COL5A2: variants seen among roughly 807,000 people sequenced by gnomAD.
The protein encoded by COL5A2 is collagen type V alpha 2 chain, also known as collagen alpha-2(V) chain.
In COL5A2, 23 loss-of-function variants were observed where a neutral mutation model predicts 208.2. The observed-to-expected ratio is 0.11, with a 90% CI of 0.08 to 0.16. The LOEUF (loss-of-function observed/expected upper bound fraction) is 0.16, where lower values mean the gene tolerates loss of function less well. Ranked by LOEUF, COL5A2 falls within the 10% of genes least tolerant of loss-of-function variation. COL5A2 has a pLI of 1.00. For synonymous variants in COL5A2, 625 were observed against 628.5 expected, an observed-to-expected ratio of 0.99 and a Z score of 0.08; for missense variants, 1,590 against 1,956.4, an observed-to-expected ratio of 0.81 and a Z score of 3.53.
intron 1 of COL5A2, among the ~76,000 whole-genome samples, chr2:189,136,281 T>G (rs1159925397): frequency 2.6e-5 from 4 of 151,990 alleles, no homozygotes; most frequent in African/African-American, 9.7e-5. Flanking sequence ...CATCTTCTAA[T>G]GAAAACCTTA....
chr2:189,060,360 G>C (rs534592216), intron 31 of COL5A2, among the ~76,000 whole-genome samples: 1 of 152,182 alleles, frequency 6.6e-6, no homozygotes, highest in African/African-American at 2.4e-5. Flanking sequence ...TTTATTAAAT[G>C]ATTAAATGAA....
rs1417726084 is a variant in COL5A2, at chr2:189,045,789, T to C, written c.3309+11A>G. Reference sequence around the variant, plus strand: ...GCAAAACTGTCAGTGTGAAATTGACTCCCTCCTTACCGGATCTCCTCTTTG... The same window carrying C: ...GCAAAACTGTCAGTGTGAAATTGACCCCCTCCTTACCGGATCTCCTCTTTG... On this transcript the variant is annotated intron_variant, in intron 46 of 53. Transcript: ENST00000374866. The C allele has an allele frequency of 1.2e-6, 2 of 1,610,496 alleles. No individual in the cohort carries two copies. The highest frequency in any genetic ancestry group is 3.3e-5 in the Admixed American group (2 of 60,020).
intron 1 of COL5A2, among the ~76,000 whole-genome samples, chr2:189,197,156 G>A (rs997554207): frequency 2.0e-5 from 3 of 152,170 alleles, no homozygotes; most frequent in African/African-American, 7.2e-5. Flanking sequence ...GAAGCTGGAA[G>A]CCATTATCCT....
chr2:189,378,153 C>T, the COL5A2 span, among the ~76,000 whole-genome samples: 2 of 152,184 alleles, frequency 1.3e-5, no homozygotes, highest in African/African-American at 4.8e-5. Flanking sequence ...TTTACTCCTC[C>T]ATGGCCAATT....
At position 189,110,258 on chromosome 2, in the gene COL5A2, A is replaced by T. The variant is rs1193876792; in HGVS notation, c.289T>A (p.Ser97Thr). 6.2e-7 allele frequency: 1 copy of T among 1,614,120 alleles called. No homozygotes were observed. Among genetic ancestry groups the T allele is most frequent in the Admixed American group, 1.7e-5 (1 of 60,012 alleles). The change falls in exon 2 of 54, where the codon TCA (serine) becomes ACA (threonine). Residue 97 changes from serine (S) to threonine (T), a missense_variant. Ser to Thr is a moderately conservative substitution (Grantham distance 58). Transcript: ENST00000374866. ...TPPGECCPVC[S>T]QTPGGGNTNF... is the part of the protein sequence containing the mutation. Reference sequence around the variant, plus strand: ...GTATTGCCACCTCCAGGTGTTTGTGAACAGACAGGACAGCATTCCCCAGGG... The same window carrying T: ...GTATTGCCACCTCCAGGTGTTTGTGTACAGACAGGACAGCATTCCCCAGGG...
At chr2:189,162,394 A>T (rs768446289) in intron 1 of COL5A2, among the ~76,000 whole-genome samples, 2 of 152,196 alleles carry the variant, frequency 1.3e-5, no homozygotes, top group Non-Finnish European at 2.9e-5. Flanking sequence ...AATCTCCATC[A>T]TTTGAGACCA....
the COL5A2 span, among the ~76,000 whole-genome samples, chr2:189,324,412 C>G: frequency 6.6e-6 from 1 of 152,020 alleles, no homozygotes; most frequent in African/African-American, 2.4e-5. Context: ...TTGCAATCTA[C>G]TCATCTGACA....
At chr2:189,236,119 T>C in the COL5A2 span, among the ~76,000 whole-genome samples, 1 of 151,730 alleles carries the variant, frequency 6.6e-6, no homozygotes, top group Non-Finnish European at 1.5e-5. Flanking sequence ...GTGCGATTAA[T>C]TGGGAGAAGA....
chr2:189,050,883 G>A (rs973040572), intron 42 of COL5A2, among the ~76,000 whole-genome samples: 4 of 152,106 alleles, frequency 2.6e-5, no homozygotes, highest in African/African-American at 4.8e-5. Context: ...CAGCTCATCC[G>A]TTGGAAAGAA....
At chr2:189,265,542 C>T in the COL5A2 span, among the ~76,000 whole-genome samples, 10 of 152,098 alleles carry the variant, frequency 6.6e-5, no homozygotes, top group Admixed American at 5.2e-4. Context: ...CCAGTAAGAC[C>T]TCATCTCAAC....
the COL5A2 span, among the ~76,000 whole-genome samples, chr2:189,414,855 G>A: frequency 4.0e-5 from 6 of 150,964 alleles, no homozygotes; most frequent in African/African-American, 7.3e-5. Flanking sequence ...AGATATTAAC[G>A]TCTTTTCTTT....
intron 1 of COL5A2, among the ~76,000 whole-genome samples, chr2:189,148,150 A>C (rs1485268840): frequency 6.6e-6 from 1 of 152,154 alleles, no homozygotes; most frequent in Non-Finnish European, 1.5e-5. Context: ...TTAGATGACA[A>C]GCTATATTAT....
the COL5A2 span, among the ~76,000 whole-genome samples, chr2:189,332,197 A>G: frequency 6.6e-6 from 1 of 152,216 alleles, no homozygotes; most frequent in African/African-American, 2.4e-5. Flanking sequence ...TTAGCTGAGG[A>G]TTATAACATT....
intron 53 of COL5A2, 22 bp downstream of exon 53, chr2:189,034,894 A>G (rs774014537): frequency 4.3e-6 from 7 of 1,613,758 alleles, no homozygotes; most frequent in Non-Finnish European, 5.9e-6. Context: ...AACCAGATCA[A>G]TGTAGATCAA....
At chr2:189,080,136 A>G (rs1686499239) in intron 13 of COL5A2, 105 bp from the exon 14 acceptor site, 5 of 824,540 alleles carry the variant, frequency 6.1e-6, no homozygotes, top group Non-Finnish European at 1.0e-5. Context: ...AAAAATGAAT[A>G]TCAAATTTAA....
chr2:189,110,540 T>A, intron 1 of COL5A2, 91 bp from the exon 2 acceptor site: 1 of 1,220,756 alleles, frequency 8.2e-7, no homozygotes. Flanking sequence ...TCTAAAAAAT[T>A]CTGGACTAAG....
In COL5A2 at chr2:189,032,953, G is replaced by A. The variant is rs1476584080; in HGVS notation, c.*1117C>T. ...GTCTTGGAATAATAACAGAAGCATAGCACCTTTCAGTATCTAAAATATAAA... is the reference window on the plus strand; with the variant it reads ...GTCTTGGAATAATAACAGAAGCATAACACCTTTCAGTATCTAAAATATAAA... On this transcript the variant is annotated 3_prime_UTR_variant, in exon 54 of 54. Transcript: ENST00000374866. 6.6e-6 allele frequency: 1 copy of A among 152,558 alleles called. No homozygotes were observed. The highest frequency in any genetic ancestry group is 1.5e-5 in the Non-Finnish European group (1 of 68,002). 9.5% of individuals were successfully genotyped at this position (152,558 alleles called of 1,614,324 possible). A position where few individuals can be genotyped will look rare whatever the true frequency, so the allele number is the denominator to read the frequency against.
the COL5A2 span, among the ~76,000 whole-genome samples, chr2:189,247,631 G>A: frequency 1.1e-4 from 16 of 150,674 alleles, no homozygotes; most frequent in Non-Finnish European, 1.8e-4. Flanking sequence ...CCCAGCTGGA[G>A]TGCAATGGCA....
the COL5A2 span, among the ~76,000 whole-genome samples, chr2:189,420,501 G>A: frequency 1.3e-5 from 2 of 151,888 alleles, no homozygotes; most frequent in Non-Finnish European, 2.9e-5. Context: ...CTCCAATCTC[G>A]ATTAATTGTG....
Sources: gnomAD v4.1 joint callset for allele counts (sites outside exome capture counted in the v4.1 genomes callset) on GRCh38, gnomAD v4.1.1 for gene constraint, MANE v1.5 for transcripts, NCBI Gene and HGNC (gene_info 2026-07-23, HGNC 2026-07-21) for gene names.